Variants in KDM3B observed in about 807,000 individuals in gnomAD.
KDM3B encodes lysine demethylase 3B, also known as lysine-specific demethylase 3B.
A neutral mutation model predicts 170.0 loss-of-function variants in KDM3B; 10 were observed. The observed-to-expected ratio is 0.06, with a 90% CI of 0.04 to 0.10. The LOEUF (loss-of-function observed/expected upper bound fraction) is 0.10, where lower values mean the gene tolerates loss of function less well. KDM3B is among the 10% of genes least tolerant of loss of function. KDM3B has a pLI of 1.00. For synonymous variants in KDM3B, 831 were observed against 834.8 expected, an observed-to-expected ratio of 1.00 and a Z score of 0.08; for missense variants, 1,394 against 2,195.2, an observed-to-expected ratio of 0.64 and a Z score of 7.29.
At chr5:138,358,498 G>T (rs934590929) in intron 1 of KDM3B, among the ~76,000 whole-genome samples, 1 of 151,124 alleles carries the variant, frequency 6.6e-6, no homozygotes, top group Non-Finnish European at 1.5e-5. Context: ...TAGAGACGGG[G>T]TTTCGCCATG....
intron 1 of KDM3B, among the ~76,000 whole-genome samples, chr5:138,355,760 G>A (rs561850120): frequency 2.4e-4 from 37 of 152,152 alleles, no homozygotes; most frequent in Non-Finnish European, 5.0e-4. Flanking sequence ...TCACGTATAT[G>A]GGTATTGTAG....
At chr5:138,374,344 C>A (rs905045050) in intron 2 of KDM3B, 10 of 425,486 alleles carry the variant, frequency 2.4e-5, no homozygotes, top group South Asian at 1.6e-4. Flanking sequence ...CTCACCACCC[C>A]GCCTCCCAGG....
intron 6 of KDM3B, among the ~76,000 whole-genome samples, chr5:138,383,695 T>G (rs1046007540): frequency 1.3e-5 from 2 of 152,130 alleles, no homozygotes; most frequent in African/African-American, 4.8e-5. Flanking sequence ...ATTTAAAAGC[T>G]TTTAAAAATC....
intron 12 of KDM3B, among the ~76,000 whole-genome samples, chr5:138,416,462 G>A (rs1046652274): frequency 6.6e-6 from 1 of 151,844 alleles, no homozygotes; most frequent in South Asian, 2.1e-4. Flanking sequence ...GGTGGTAAGC[G>A]CCTGTAATCC....
At chr5:138,434,019 C>T (rs1397633845) in intron 23 of KDM3B, among the ~76,000 whole-genome samples, 1 of 152,124 alleles carries the variant, frequency 6.6e-6, no homozygotes, top group Non-Finnish European at 1.5e-5. Context: ...AGATTACAGG[C>T]GTGAGTCACC....
At chr5:138,425,105 A>G (rs1323146012) in intron 16 of KDM3B, among the ~76,000 whole-genome samples, 1 of 152,228 alleles carries the variant, frequency 6.6e-6, no homozygotes, top group African/African-American at 2.4e-5. Context: ...GTCATTTTCA[A>G]TATGAGGAAG....
chr5:138,435,746 A>G lies in KDM3B; in HGVS notation c.*46A>G. On this transcript the variant is annotated 3_prime_UTR_variant, in exon 24 of 24. Transcript: ENST00000314358. ...CCTCTGTGAAGCAGGTCTTTCACTC[A>G]CAACACTTAACAGGGAACGGCAGGG... is the stretch of plus-strand genomic sequence containing the variant. The G allele has an allele frequency of 7.1e-7, 1 of 1,416,444 alleles. No individual in the cohort carries two copies. Among genetic ancestry groups the G allele is most frequent in the Non-Finnish European group, 9.9e-7 (1 of 1,010,574 alleles). 87.7% of individuals were successfully genotyped at this position (1,416,444 alleles called of 1,614,324 possible).
chr5:138,358,248 C>A (rs111409276), intron 1 of KDM3B, among the ~76,000 whole-genome samples: 4,077 of 150,424 alleles, frequency 0.027, 83 homozygotes, highest in Middle Eastern at 0.039. Context: ...CTTCCAAGTG[C>A]TGGGATTACA....
At position 138,430,282 on chromosome 5, in the gene KDM3B, G is replaced by A. The variant is rs1763497732; in HGVS notation, c.4927G>A (p.Asp1643Asn). 6.2e-7 allele frequency: 1 copy of A among 1,613,826 alleles called. No individual in the cohort carries two copies. Among genetic ancestry groups the A allele is most frequent in the Non-Finnish European group, 8.5e-7 (1 of 1,179,958 alleles). The change falls in exon 22 of 24, where the codon GAT (aspartate) becomes AAT (asparagine). Residue 1643 changes from aspartate (D) to asparagine (N), a missense_variant. This residue lies in a region of KDM3B where 79 missense variants were observed against 270.5 expected (regional missense o/e 0.29). Transcript: ENST00000314358. ...AGAACAAGGCCAAGAGAACCCCCCT[G>A]ATCATGACCCAATTCATGACCAAAG... is the stretch of plus-strand genomic sequence containing the variant. The part of the protein sequence containing the change: ...GEEQGQENPP[D>N]HDPIHDQSWY...
At chr5:138,357,782 C>T (rs1178653400) in intron 1 of KDM3B, among the ~76,000 whole-genome samples, 8 of 148,502 alleles carry the variant, frequency 5.4e-5, no homozygotes, top group South Asian at 4.3e-4. Flanking sequence ...TGCAGTGGCG[C>T]GATATTGGCT....
chr5:138,419,715 A>G (rs1763215793), intron 14 of KDM3B, among the ~76,000 whole-genome samples: 1 of 99,886 alleles, frequency 1.0e-5, no homozygotes, highest in Non-Finnish European at 1.9e-5. Context: ...ACACACATAT[A>G]TATACACACA....
At chr5:138,394,308 A>T (rs1388917063) in intron 9 of KDM3B, among the ~76,000 whole-genome samples, 1 of 152,214 alleles carries the variant, frequency 6.6e-6, no homozygotes, top group African/African-American at 2.4e-5. Flanking sequence ...CAGGAGGTCA[A>T]AGCTGCATTG....
At chr5:138,428,887 A>G (rs1763460584) in intron 20 of KDM3B, among the ~76,000 whole-genome samples, 2 of 151,296 alleles carry the variant, frequency 1.3e-5, no homozygotes, top group Admixed American at 1.3e-4. Context: ...AAAAAGGGAT[A>G]CTTTTTTAAA....
intron 3 of KDM3B, among the ~76,000 whole-genome samples, chr5:138,375,566 G>A (rs1761976982): frequency 6.6e-6 from 1 of 151,758 alleles, no homozygotes; most frequent in Admixed American, 6.6e-5. Context: ...TTTTGGTAGA[G>A]ATGGGGTTTC....
In KDM3B at chr5:138,432,901, C is replaced by A. The variant is rs78637316; in HGVS notation, c.5205+1342C>A. ...CTGGGACTACAGATGTCCACCACCA[C>A]GTCCAGCTATTTTTTTGTATTTTTA... On this transcript the variant is annotated intron_variant, in intron 23 of 23. Coordinates refer to ENST00000314358, the MANE Select transcript of KDM3B (RefSeq NM_016604.4). 7.5e-3 allele frequency among the ~76,000 whole-genome samples: 1,133 copies of A among 150,650 alleles called. 26 individuals carry two copies. Among genetic ancestry groups the A allele is most frequent in the African/African-American group, 0.026 (1,067 of 41,064 alleles).
chr5:138,430,603 A>G (rs1322647309), intron 22 of KDM3B, among the ~76,000 whole-genome samples, 178 bp downstream of exon 22: 1 of 152,190 alleles, frequency 6.6e-6, no homozygotes, highest in African/African-American at 2.4e-5. Flanking sequence ...AAAAAATTTT[A>G]AACAGGGCGG....
intron 12 of KDM3B, among the ~76,000 whole-genome samples, chr5:138,415,615 T>A (rs1379597386): frequency 3.3e-5 from 5 of 151,984 alleles, no homozygotes; most frequent in Non-Finnish European, 5.9e-5. Flanking sequence ...TTATTTAATT[T>A]AAATTTTTTT....
chr5:138,353,056 C>A, intron 1 of KDM3B, 69 bp downstream of exon 1: 9 of 621,480 alleles, frequency 1.4e-5, no homozygotes, highest in African/African-American at 2.3e-5. Context: ...CCCCGGGGGC[C>A]TTTGTGAGGG....
In KDM3B at chr5:138,429,948, C is replaced by A; in HGVS notation, c.4876C>A (p.Arg1626=). ...TGCAGCCAAGGATGCAGAGAAGATC[C>A]GGGAGCTGCTCCGAAAGGTACGCCC... ...IYAAKDAEKI[R]ELLRKVGEEQ... is the part of the protein sequence containing the mutation. The change falls in exon 21 of 24, where the codon CGG becomes AGG. Residue 1626 remains arginine (R), a synonymous_variant. Coordinates refer to ENST00000314358, the MANE Select transcript of KDM3B (RefSeq NM_016604.4). The A allele has an allele frequency of 6.2e-7, 1 of 1,614,124 alleles. No homozygotes were observed. Among genetic ancestry groups the A allele is most frequent in the Admixed American group, 1.7e-5 (1 of 60,030 alleles).
Sources: gnomAD v4.1 joint callset for allele counts (sites outside exome capture counted in the v4.1 genomes callset) on GRCh38, gnomAD v4.1.1 for gene constraint, gnomAD v4.1.1 regional missense constraint, MANE v1.5 for transcripts, NCBI Gene and HGNC (gene_info 2026-07-23, HGNC 2026-07-21) for gene names.